The following C10orf90 variants were observed in gnomAD, a reference collection of about 807,000 sequenced individuals.
C10orf90 encodes the protein (E2-independent) E3 ubiquitin-conjugating enzyme FATS.
C10orf90 carries 56 observed loss-of-function variants against 62.5 expected under a neutral mutation model. That is an observed-to-expected ratio of 0.90 (90% CI 0.72 to 1.12). The LOEUF is 1.12. Ranked by LOEUF, C10orf90 falls within the 50% of genes most tolerant of loss-of-function variation. C10orf90 has a pLI of 0.00. For synonymous variants in C10orf90, 386 were observed against 340.4 expected, an observed-to-expected ratio of 1.13 and a Z score of -1.47; for missense variants, 970 against 880.4, an observed-to-expected ratio of 1.10 and a Z score of -1.29.
At chr10:126,653,506 C>T (rs1261411163) in intron 1 of C10orf90, among the ~76,000 whole-genome samples, 1 of 152,194 alleles carries the variant, frequency 6.6e-6, no homozygotes, top group Non-Finnish European at 1.5e-5. Context: ...CATGAGATTA[C>T]AGCAATTCAG....
intron 4 of C10orf90, among the ~76,000 whole-genome samples, chr10:126,476,186 A>C (rs892206735): frequency 2.0e-5 from 3 of 152,198 alleles, no homozygotes; most frequent in Admixed American, 2.0e-4. Context: ...AAAGGCCCCG[A>C]GTTCCACTTC....
At chr10:126,602,764 T>A (rs1045127892) in intron 2 of C10orf90, among the ~76,000 whole-genome samples, 6 of 152,112 alleles carry the variant, frequency 3.9e-5, no homozygotes, top group Admixed American at 2.6e-4. Flanking sequence ...TGGGCTTTTT[T>A]TTTTTTTTTT....
At chr10:126,516,786 G>A (rs551352046) in intron 2 of C10orf90, among the ~76,000 whole-genome samples, 6 of 152,204 alleles carry the variant, frequency 3.9e-5, no homozygotes, top group East Asian at 3.9e-4. Context: ...GGCCTCACTC[G>A]GCTAAAATCA....
intron 7 of C10orf90, among the ~76,000 whole-genome samples, chr10:126,448,193 C>T (rs1441945141): frequency 2.0e-5 from 3 of 151,780 alleles, no homozygotes. Flanking sequence ...CTTTTCTCAT[C>T]ACAATGGTAT....
At chr10:126,640,661 T>G (rs376298516) in intron 2 of C10orf90, among the ~76,000 whole-genome samples, 9 of 152,092 alleles carry the variant, frequency 5.9e-5, no homozygotes, top group African/African-American at 2.2e-4. Flanking sequence ...CAAGCTTCAG[T>G]CAAAAGAAAG....
intron 2 of C10orf90, among the ~76,000 whole-genome samples, chr10:126,517,424 C>T (rs76916469): frequency 6.6e-6 from 1 of 152,176 alleles, no homozygotes; most frequent in Admixed American, 6.5e-5. Context: ...GGCTTTGTCT[C>T]TAACTTAACT....
At chr10:126,636,305 G>T (rs1036452699) in intron 2 of C10orf90, among the ~76,000 whole-genome samples, 1 of 152,110 alleles carries the variant, frequency 6.6e-6, no homozygotes, top group African/African-American at 2.4e-5. Context: ...CCTGCCTACC[G>T]CATTTCACCA....
intron 4 of C10orf90, among the ~76,000 whole-genome samples, chr10:126,476,933 G>A (rs1590973824): frequency 6.8e-6 from 1 of 147,444 alleles, no homozygotes; most frequent in Admixed American, 6.7e-5. Flanking sequence ...TTTTTGAGGG[G>A]GAGTCTCGCT....
intron 2 of C10orf90, among the ~76,000 whole-genome samples, chr10:126,560,618 G>A (rs572532777): frequency 2.0e-5 from 3 of 152,248 alleles, no homozygotes; most frequent in East Asian, 3.9e-4. Context: ...CTTTAGTGAC[G>A]GCAGAGGAAC....
At position 126,463,618 on chromosome 10, in the gene C10orf90, C is replaced by A. The variant is rs367953259; in HGVS notation, c.1825+1078G>T. 4.7e-4 allele frequency among the ~76,000 whole-genome samples: 71 copies of A among 152,290 alleles called. 1 individual carries two copies. Among genetic ancestry groups the A allele is most frequent in the African/African-American group, 1.7e-3 (69 of 41,570 alleles). The stretch of plus-strand genomic sequence containing the variant: ...ATGTTCCTCCTGTCCCAGCCACTTG[C>A]GTCATGTGTGCCTTTCCCTTAGCCT... On this transcript the variant is annotated intron_variant, in intron 5 of 9. Transcript: ENST00000488181.
chr10:126,524,568 GAA>G, intron 2 of C10orf90: 1 of 936,106 alleles, frequency 1.1e-6, no homozygotes, highest in African/African-American at 1.8e-5. Flanking sequence ...GCTGAAAGAT[GAA>G]AAGTTTGTCC....
chr10:126,445,080 G>A (rs537907072), intron 7 of C10orf90, among the ~76,000 whole-genome samples: 1 of 152,150 alleles, frequency 6.6e-6, no homozygotes, highest in Non-Finnish European at 1.5e-5. Context: ...AGATAACACT[G>A]GAAAAACCCT....
chr10:126,565,381 ATATATTATATATAT>A (rs1352083964), intron 2 of C10orf90, among the ~76,000 whole-genome samples: 1 of 75,792 alleles, frequency 1.3e-5, no homozygotes, highest in Non-Finnish European at 2.3e-5. Context: ...ATATAATAAT[ATATATTATATATAT>A]TATATTATAT....
chr10:126,588,670 C>T (rs1466568435), intron 2 of C10orf90, among the ~76,000 whole-genome samples: 3 of 152,014 alleles, frequency 2.0e-5, no homozygotes, highest in Non-Finnish European at 4.4e-5. Context: ...ACAACATTAA[C>T]AAAAAAGACT....
At chr10:126,484,351 C>T (rs952684839) in intron 4 of C10orf90, among the ~76,000 whole-genome samples, 4 of 152,052 alleles carry the variant, frequency 2.6e-5, no homozygotes, top group Admixed American at 2.6e-4. Context: ...TACACCGACT[C>T]AAATGGTACA....
At chr10:126,521,523 C>A in intron 2 of C10orf90, 1 of 1,316,238 alleles carries the variant, frequency 7.6e-7, no homozygotes, top group Non-Finnish European at 9.8e-7. Flanking sequence ...GTTTACAGGG[C>A]AACCAGGGGA....
chr10:126,521,192 G>A, intron 2 of C10orf90: 19 of 1,256,390 alleles, frequency 1.5e-5, no homozygotes, highest in Non-Finnish European at 1.9e-5. Flanking sequence ...CTTTCCCCTG[G>A]GGCCTCATAC....
At chr10:126,617,445 G>A (rs1845563627) in intron 2 of C10orf90, among the ~76,000 whole-genome samples, 1 of 152,200 alleles carries the variant, frequency 6.6e-6, no homozygotes, top group Non-Finnish European at 1.5e-5. Flanking sequence ...CGCTCATAAT[G>A]ACTGGCTTGG....
chr10:126,552,859 A>C (rs1864668267), intron 2 of C10orf90, among the ~76,000 whole-genome samples: 1 of 152,244 alleles, frequency 6.6e-6, no homozygotes, highest in African/African-American at 2.4e-5. Context: ...GGGTTATGAG[A>C]ATTAATGAAT....
Sources: allele counts gnomAD v4.1 joint callset (sites outside exome capture counted in the v4.1 genomes callset), GRCh38; gene constraint gnomAD v4.1.1; transcripts MANE v1.5; gene names NCBI Gene and HGNC (gene_info 2026-07-23, HGNC 2026-07-21).